Variants in ATP2C1 observed in about 807,000 individuals in gnomAD.
ATP2C1 encodes ATPase secretory pathway Ca2+ transporting 1, also known as calcium-transporting ATPase type 2C member 1.
A neutral mutation model predicts 120.5 loss-of-function variants in ATP2C1; 31 were observed. The ratio of observed to expected loss-of-function variants is 0.26; its 90% CI spans 0.19 to 0.35. The LOEUF is 0.35. ATP2C1 is among the 10% of genes least tolerant of loss of function. ATP2C1 has a pLI of 1.00. For missense variants in ATP2C1, 731 were observed against 1,107.5 expected, an observed-to-expected ratio of 0.66 and a Z score of 4.83; for synonymous variants, 351 against 358.7, an observed-to-expected ratio of 0.98 and a Z score of 0.24.
At chr3:130,940,882 A>G (rs1164487408) in intron 7 of ATP2C1, among the ~76,000 whole-genome samples, 191 bp downstream of exon 7, 1 of 149,508 alleles carries the variant, frequency 6.7e-6, no homozygotes, top group Non-Finnish European at 1.5e-5. Context: ...CCGAGATTCT[A>G]GAGACATGGA....
intron 2 of ATP2C1, chr3:130,918,998 A>C: frequency 2.3e-6 from 1 of 427,378 alleles, no homozygotes. Context: ...TCTTAAACAA[A>C]CAAACAAACA....
intron 2 of ATP2C1, chr3:130,918,356 CTT>C (rs2058781436): frequency 6.5e-7 from 1 of 1,547,912 alleles, no homozygotes; most frequent in African/African-American, 1.4e-5. Flanking sequence ...TCTTCCCACA[CTT>C]TGCACATCGG....
intron 20 of ATP2C1, among the ~76,000 whole-genome samples, chr3:130,985,658 C>CCAA (rs1553777380): frequency 7.6e-6 from 1 of 132,024 alleles, no homozygotes; most frequent in African/African-American, 2.8e-5. Flanking sequence ...CCCGCCCCAC[C>CCAA]AAAAAAAAAA....
chr3:130,894,779 A>G lies in ATP2C1; in HGVS notation c.6+4A>G. The G allele has an allele frequency of 6.2e-7, 1 of 1,614,084 alleles. No individual in the cohort carries two copies. The highest frequency in any genetic ancestry group is 8.5e-7 in the Non-Finnish European group (1 of 1,179,944). ...GCAGTTTCGATGGAAAATGAAGGTA[A>G]AGGCCCCTGGCCGACCGGTTGCAAC... On this transcript the variant is annotated splice_donor_region_variant and intron_variant, in intron 2 of 27. Transcript: ENST00000510168. The surrounding 1 kb of genome is among the most constrained non-coding windows in gnomAD (Gnocchi z 4.5).
chr3:130,920,256 C>T (rs186317050), intron 2 of ATP2C1, among the ~76,000 whole-genome samples: 133 of 152,246 alleles, frequency 8.7e-4, no homozygotes, highest in Admixed American at 3.8e-3. Flanking sequence ...TTGAGATAAT[C>T]GCCGACACCA....
intron 2 of ATP2C1, among the ~76,000 whole-genome samples, chr3:130,919,769 A>G (rs779855561): frequency 4.6e-5 from 7 of 152,222 alleles, no homozygotes; most frequent in Admixed American, 1.3e-4. Context: ...GAAGCTTCAT[A>G]CTTTTTTCCA....
At position 130,887,474 on chromosome 3, in the gene ATP2C1, C is replaced by T. The variant is rs117623887; in HGVS notation, c.108+36546C>T. Among the ~76,000 whole-genome samples the T allele has an allele frequency of 4.9e-4, 75 of 152,290 alleles. No individual in the cohort carries two copies. In the East Asian group the frequency reaches 0.014, roughly 29 times the overall value. On this transcript the variant is annotated intron_variant, in intron 1 of 26. Transcript: ENST00000504381. ...GATGGTGTATGGGAGCTAGGGACTGCAGTCAAAAATCCTTGTATGTCTACC... is the reference window on the plus strand; with the variant it reads ...GATGGTGTATGGGAGCTAGGGACTGTAGTCAAAAATCCTTGTATGTCTACC...
At chr3:130,907,168 C>A (rs1195772128) in intron 2 of ATP2C1, among the ~76,000 whole-genome samples, 3 of 151,734 alleles carry the variant, frequency 2.0e-5, no homozygotes, top group African/African-American at 4.8e-5. Context: ...AAGATGTTTA[C>A]CTAAGAGTGT....
At position 130,934,669 on chromosome 3, in the gene ATP2C1, T is replaced by C; in HGVS notation, c.282T>C (p.Ser94=). The change falls in exon 5 of 28, where the codon AGT becomes AGC. Residue 94 remains serine, a synonymous_variant. Coordinates refer to ENST00000510168, the MANE Select transcript of ATP2C1 (RefSeq NM_001378687.1). ...IMLLLASAVI[S]VLMHQFDDAV... is the part of the protein sequence containing the mutation. ...TGCTTCTGGCTTCTGCAGTCATCAG[T>C]GTTTTAATGCATCAGTTTGATGATG... 1 of 1,613,716 alleles carries C rather than the reference T, an allele frequency of 6.2e-7. No individual in the cohort carries two copies. Among genetic ancestry groups the C allele is most frequent in the South Asian group, 1.1e-5 (1 of 91,080 alleles).
intron 2 of ATP2C1, among the ~76,000 whole-genome samples, chr3:130,907,033 ATTTAC>A (rs1375611214): frequency 2.0e-5 from 3 of 151,640 alleles, no homozygotes; most frequent in Non-Finnish European, 4.4e-5. Context: ...TAATTTGGTT[ATTTAC>A]TTTTTTGTTG....
At chr3:130,865,437 C>G (rs1033063604) in intron 1 of ATP2C1, among the ~76,000 whole-genome samples, 3 of 152,044 alleles carry the variant, frequency 2.0e-5, no homozygotes, top group African/African-American at 7.3e-5. Flanking sequence ...CTTTGGGGGA[C>G]TGTTGGGAGG....
At chr3:130,972,617 T>TC (rs371623203) in intron 17 of ATP2C1, among the ~76,000 whole-genome samples, 9,516 of 87,356 alleles carry the variant, frequency 0.11, 548 homozygotes, top group East Asian at 0.16. Flanking sequence ...ATGCTATCCC[T>TC]CCCCCTCCCC....
At chr3:130,871,606 T>G (rs1261921605) in intron 1 of ATP2C1, among the ~76,000 whole-genome samples, 2 of 152,264 alleles carry the variant, frequency 1.3e-5, no homozygotes, top group Non-Finnish European at 2.9e-5. Context: ...GTATGCTGCT[T>G]AGAAGATGGT....
upstream of ATP2C1, among the ~76,000 whole-genome samples, chr3:130,892,929 C>T (rs1426739619): frequency 2.6e-5 from 4 of 152,178 alleles, no homozygotes; most frequent in Non-Finnish European, 5.9e-5. Context: ...AGAGAGCACA[C>T]TGCGATATGT....
intron 1 of ATP2C1, among the ~76,000 whole-genome samples, chr3:130,878,574 G>T (rs2107804321): frequency 6.6e-6 from 1 of 152,214 alleles, no homozygotes; most frequent in South Asian, 2.1e-4. Context: ...TTTTTTGGAG[G>T]GGTATTGATG....
At chr3:130,993,425 C>G (rs1474577299) in intron 21 of ATP2C1, among the ~76,000 whole-genome samples, 1 of 152,142 alleles carries the variant, frequency 6.6e-6, no homozygotes, top group Non-Finnish European at 1.5e-5. Context: ...GATAGAGTAT[C>G]CAGTAGTTAA....
rs151197403 is a variant in ATP2C1, at chr3:130,936,119, T to C, written c.325-1309T>C. On this transcript the variant is annotated intron_variant, in intron 5 of 27. Transcript: ENST00000510168. ...AAGCAATAATTAGGGTTTTGGAAAA[T>C]TTGTATGCACTCTTATGGGCTGGAT... Among the ~76,000 whole-genome samples, 116 of 152,266 alleles carry C rather than the reference T, an allele frequency of 7.6e-4. 2 individuals carry two copies. In the East Asian group the frequency reaches 0.019, roughly 25 times the overall value.
intron 1 of ATP2C1, among the ~76,000 whole-genome samples, chr3:130,852,401 G>C (rs1235671352): frequency 6.6e-6 from 1 of 151,904 alleles, no homozygotes; most frequent in Non-Finnish European, 1.5e-5. Flanking sequence ...GTAGTTCTAT[G>C]GTTCTTTGTT....
chr3:130,927,683 A>G (rs1034320299), intron 2 of ATP2C1: 2 of 152,316 alleles, frequency 1.3e-5, no homozygotes, highest in Non-Finnish European at 2.9e-5. Context: ...CAACTGCTAT[A>G]TGACCACAGG....
Sources: gnomAD v4.1 joint callset for allele counts (sites outside exome capture counted in the v4.1 genomes callset) on GRCh38, gnomAD v4.1.1 for gene constraint, Gnocchi (gnomAD v3.1) non-coding constraint, MANE v1.5 for transcripts, NCBI Gene and HGNC (gene_info 2026-07-23, HGNC 2026-07-21) for gene names.